Variants in NFKB1 observed in about 807,000 individuals in gnomAD.
NFKB1 encodes the protein nuclear factor kappa B subunit 1.
In NFKB1, 9 loss-of-function variants were observed where a neutral mutation model predicts 105.1. The observed-to-expected ratio is 0.09, with a 90% confidence interval of 0.05 to 0.15. The LOEUF (loss-of-function observed/expected upper bound fraction) is 0.15. NFKB1 is among the 10% of genes least tolerant of loss of function. The probability of loss-of-function intolerance (pLI) is 1.00; values close to 1 mark genes in which losing one functional copy is unlikely to be tolerated. For synonymous variants in NFKB1, 440 were observed against 442.2 expected, an observed-to-expected ratio of 1.00 and a Z score of 0.06; for missense variants, 830 against 1,203.7, an observed-to-expected ratio of 0.69 and a Z score of 4.59.
chr4:102,559,426 C>G (rs1438672304), intron 5 of NFKB1, among the ~76,000 whole-genome samples: 1 of 151,618 alleles, frequency 6.6e-6, no homozygotes, highest in Non-Finnish European at 1.5e-5. Context: ...AACAGGATCA[C>G]TCAGGAAAAT....
intron 19 of NFKB1, among the ~76,000 whole-genome samples, chr4:102,608,832 A>G (rs1728084661): frequency 6.6e-6 from 1 of 152,024 alleles, no homozygotes; most frequent in African/African-American, 2.4e-5. Flanking sequence ...TTTAGAAGAC[A>G]CTGATTAATT....
intron 16 of NFKB1, 23 bp downstream of exon 16, chr4:102,601,032 CAACTG>C (rs1325169665): frequency 7.2e-7 from 1 of 1,379,586 alleles, no homozygotes; most frequent in Admixed American, 2.0e-5. Context: ...CTCAAGAAAA[CAACTG>C]AAGAAAAATC....
chr4:102,555,466 A>G (rs1271482756), intron 5 of NFKB1, among the ~76,000 whole-genome samples: 4 of 152,216 alleles, frequency 2.6e-5, no homozygotes, highest in African/African-American at 9.6e-5. Flanking sequence ...TACCTGAATC[A>G]CCAGCATAAC....
intron 5 of NFKB1, among the ~76,000 whole-genome samples, chr4:102,539,329 G>A (rs1189220258): frequency 6.6e-6 from 1 of 151,480 alleles, no homozygotes; most frequent in Non-Finnish European, 1.5e-5. Flanking sequence ...CATCTTCTAG[G>A]CCCAGGCCTG....
At chr4:102,579,154 C>CT in intron 8 of NFKB1, 115 bp downstream of exon 8, 1 of 1,008,450 alleles carries the variant, frequency 9.9e-7, no homozygotes, top group Non-Finnish European at 1.4e-6. Flanking sequence ...TAAGCCTCAG[C>CT]TTTATCATCT....
chr4:102,567,229 T>C lies in NFKB1; in HGVS notation c.407+94T>C, dbSNP rs1723953712. On this transcript the variant is annotated intron_variant, in intron 6 of 23. Transcript: ENST00000226574. ...GAACAGGCCCCTTTCATTAGGGACC[T>C]TTCTGAGACCCTCAGATGACCTCAA... 3 of 1,343,464 alleles carry C rather than the reference T, an allele frequency of 2.2e-6. No homozygotes were observed. The South Asian group carries it at 4.1e-5, about 18-fold the overall frequency. 83.2% of individuals were successfully genotyped at this position (1,343,464 alleles called of 1,614,324 possible).
intron 16 of NFKB1, among the ~76,000 whole-genome samples, chr4:102,603,511 C>A (rs1291194486): frequency 1.3e-5 from 2 of 152,140 alleles, no homozygotes; most frequent in Non-Finnish European, 2.9e-5. Flanking sequence ...TTTGGGGACT[C>A]TCAGAAGACT....
intron 5 of NFKB1, among the ~76,000 whole-genome samples, chr4:102,548,844 T>A (rs1443614973): frequency 6.6e-6 from 1 of 152,176 alleles, no homozygotes; most frequent in Non-Finnish European, 1.5e-5. Flanking sequence ...TTCTTTCTCT[T>A]AGAGACCTGT....
intron 1 of NFKB1, 73 bp downstream of exon 1, chr4:102,501,861 AC>A: frequency 6.6e-6 from 1 of 152,514 alleles, no homozygotes; most frequent in Non-Finnish European, 1.5e-5. Context: ...AGCCCTCCGC[AC>A]CCCCTCCAGC....
At chr4:102,502,390 GCACACACACACACACACACACACA>G (rs754187388) in intron 1 of NFKB1, among the ~76,000 whole-genome samples, 2 of 105,392 alleles carry the variant, frequency 1.9e-5, no homozygotes, top group Non-Finnish European at 3.7e-5. Context: ...GCGCGCGCGC[GCACACACACACACACACACACACA>G]CACACACACA....
chr4:102,519,574 A>G (rs1334236371), intron 1 of NFKB1, among the ~76,000 whole-genome samples: 1 of 152,020 alleles, frequency 6.6e-6, no homozygotes. Context: ...CCTTGTGAAT[A>G]ACTCATTTTG....
chr4:102,517,532 A>G (rs1452630462), intron 1 of NFKB1, among the ~76,000 whole-genome samples: 1 of 152,208 alleles, frequency 6.6e-6, no homozygotes, highest in Non-Finnish European at 1.5e-5. Context: ...TCCCATCTCT[A>G]CTTTTTAGGA....
At chr4:102,528,276 A>G (rs1393678546) in intron 2 of NFKB1, among the ~76,000 whole-genome samples, 2 of 152,104 alleles carry the variant, frequency 1.3e-5, no homozygotes, top group African/African-American at 4.8e-5. Flanking sequence ...CCTGTATGAA[A>G]TGAGGCCCAT....
At chr4:102,523,806 C>T (rs1385881373) in intron 1 of NFKB1, among the ~76,000 whole-genome samples, 2 of 152,070 alleles carry the variant, frequency 1.3e-5, no homozygotes, top group Admixed American at 6.5e-5. Flanking sequence ...GGGCCTTAAG[C>T]CCAGACCTGG....
chr4:102,542,371 T>G (rs1457280633), intron 5 of NFKB1, among the ~76,000 whole-genome samples: 2 of 152,130 alleles, frequency 1.3e-5, no homozygotes, highest in African/African-American at 4.8e-5. Context: ...TGCTCTTTTT[T>G]TAAAAAAAAT....
intron 1 of NFKB1, among the ~76,000 whole-genome samples, chr4:102,502,490 A>G (rs1051412991): frequency 2.0e-5 from 3 of 151,918 alleles, no homozygotes; most frequent in Admixed American, 1.3e-4. Context: ...TGAGAGAGAA[A>G]ATAAATTACC....
chr4:102,611,588 C>A (rs1195007098), intron 20 of NFKB1, among the ~76,000 whole-genome samples: 1 of 152,218 alleles, frequency 6.6e-6, no homozygotes, highest in Non-Finnish European at 1.5e-5. Context: ...TAACACCAAG[C>A]CTTGTGAACA....
chr4:102,505,086 G>C (rs892382158), intron 1 of NFKB1, among the ~76,000 whole-genome samples: 1 of 152,140 alleles, frequency 6.6e-6, no homozygotes, highest in African/African-American at 2.4e-5. Flanking sequence ...TGCTGTATTA[G>C]GGGTTGTTCC....
intron 6 of NFKB1, among the ~76,000 whole-genome samples, chr4:102,573,231 C>G (rs2149176728): frequency 6.6e-6 from 1 of 152,276 alleles, no homozygotes; most frequent in South Asian, 2.1e-4. Flanking sequence ...TCACTTGAAC[C>G]TGGGAGGCAG....
Sources: gnomAD v4.1 joint callset for allele counts (sites outside exome capture counted in the v4.1 genomes callset) on GRCh38, gnomAD v4.1.1 for gene constraint, MANE v1.5 for transcripts, NCBI Gene and HGNC (gene_info 2026-07-23, HGNC 2026-07-21) for gene names.